Variants in SELENOF observed in about 807,000 individuals in gnomAD.
SELENOF encodes the protein selenoprotein F.
Under a neutral mutation model 20.5 loss-of-function variants are expected in SELENOF, and 16 were observed. That is an observed-to-expected ratio of 0.78 (90% CI 0.53 to 1.19). SELENOF has a LOEUF of 1.19. SELENOF is among the 50% of genes most tolerant of loss of function. SELENOF has a pLI of 0.00. For synonymous variants in SELENOF, 78 were observed against 74.5 expected, an observed-to-expected ratio of 1.05 and a Z score of -0.24; for missense variants, 215 against 194.2, an observed-to-expected ratio of 1.11 and a Z score of -0.64.
intron 1 of SELENOF, among the ~76,000 whole-genome samples, chr1:86,913,602 G>A (rs927352501): frequency 6.6e-6 from 1 of 152,202 alleles, no homozygotes; most frequent in African/African-American, 2.4e-5. Flanking sequence ...GCACGCGCGC[G>A]AGAGAGGTAA....
intron 3 of SELENOF, among the ~76,000 whole-genome samples, chr1:86,879,280 C>T (rs1219827783): frequency 2.0e-5 from 3 of 152,120 alleles, no homozygotes; most frequent in Non-Finnish European, 4.4e-5. Flanking sequence ...TGGTACAATT[C>T]TGAGTTTAAG....
At chr1:86,883,876 G>GTCTC (rs1490711031) in intron 2 of SELENOF, among the ~76,000 whole-genome samples, 2 of 152,128 alleles carry the variant, frequency 1.3e-5, no homozygotes, top group African/African-American at 4.8e-5. Flanking sequence ...TGGGAAGCTT[G>GTCTC]TCTCTGCACC....
At chr1:86,875,240 C>CG (rs1406241573) in intron 3 of SELENOF, among the ~76,000 whole-genome samples, 2 of 123,414 alleles carry the variant, frequency 1.6e-5, no homozygotes, top group Non-Finnish European at 3.2e-5. Context: ...GACTCCGTCT[C>CG]GAAAAAAAAA....
At chr1:86,876,787 G>T (rs479341) in intron 3 of SELENOF, among the ~76,000 whole-genome samples, 1 of 152,030 alleles carries the variant, frequency 6.6e-6, no homozygotes, top group East Asian at 1.9e-4. Flanking sequence ...AGAAATGTTA[G>T]AAGTAGCAGA....
At position 86,911,051 on chromosome 1, in the gene SELENOF, G is replaced by C. The variant is rs142534941; in HGVS notation, c.84+2977C>G. On this transcript the variant is annotated intron_variant, in intron 1 of 4. Coordinates refer to ENST00000331835, the MANE Select transcript of SELENOF (RefSeq NM_004261.5). ...GTCACTAGAGATAAAACAGTCAACA[G>C]GAAAGACAGGGTACTTCCCTTTGGG... Among the ~76,000 whole-genome samples the C allele has an allele frequency of 7.5e-3, 1,148 of 152,340 alleles. 15 individuals carry two copies. Among genetic ancestry groups the C allele is most frequent in the Middle Eastern group, 0.02 (6 of 294 alleles).
chr1:86,892,648 C>T lies in SELENOF; in HGVS notation c.252+10633G>A, dbSNP rs115314098. ...ACTGCAACTGGCTACACAATAGCCA[C>T]GCAAATTGAAAACAACTAAATGTTT... On this transcript the variant is annotated intron_variant, in intron 2 of 4. Transcript: ENST00000331835. 9.9e-3 allele frequency among the ~76,000 whole-genome samples: 1,507 copies of T among 152,188 alleles called. 14 individuals carry two copies. The highest frequency in any genetic ancestry group is 0.024 in the African/African-American group (1,016 of 41,502).
chr1:86,901,248 A>G (rs187770653), intron 2 of SELENOF, among the ~76,000 whole-genome samples: 2 of 152,312 alleles, frequency 1.3e-5, no homozygotes, highest in Non-Finnish European at 2.9e-5. Flanking sequence ...TGTGTTATCC[A>G]TGATCATGTA....
intron 3 of SELENOF, among the ~76,000 whole-genome samples, chr1:86,873,296 T>C (rs1658832552): frequency 6.6e-6 from 1 of 152,032 alleles, no homozygotes; most frequent in African/African-American, 2.4e-5. Context: ...TTATTTCCTT[T>C]CTGACCTTGG....
intron 2 of SELENOF, among the ~76,000 whole-genome samples, chr1:86,899,645 C>G (rs568660522): frequency 6.6e-6 from 1 of 151,052 alleles, no homozygotes; most frequent in African/African-American, 2.4e-5. Flanking sequence ...GGGGGCTGAC[C>G]CCCCCATCTC....
At chr1:86,866,230 CTGTGTGTGTG>C (rs60714256) in intron 4 of SELENOF, among the ~76,000 whole-genome samples, 46 of 113,678 alleles carry the variant, frequency 4.0e-4, no homozygotes, top group South Asian at 6.8e-4. Flanking sequence ...GTGTGTGTCT[CTGTGTGTGTG>C]TGTGTGTGTG....
intron 4 of SELENOF, 84 bp downstream of exon 4, chr1:86,867,969 A>C (rs1404268923): frequency 7.3e-6 from 4 of 547,148 alleles, no homozygotes; most frequent in Admixed American, 6.6e-5. Context: ...TTATGGGGGA[A>C]ACCATTTATT....
intron 2 of SELENOF, among the ~76,000 whole-genome samples, chr1:86,899,524 C>T (rs1329606941): frequency 6.8e-6 from 1 of 146,552 alleles, no homozygotes; most frequent in Non-Finnish European, 1.5e-5. Flanking sequence ...CCGGACGGGG[C>T]GGCTGGCCGG....
chr1:86,906,405 GTTCT>G (rs1036241813), intron 1 of SELENOF, among the ~76,000 whole-genome samples: 3 of 152,194 alleles, frequency 2.0e-5, no homozygotes, highest in African/African-American at 4.8e-5. Context: ...CATTTCACAT[GTTCT>G]TACAATGTTA....
intron 2 of SELENOF, among the ~76,000 whole-genome samples, chr1:86,897,580 T>A (rs1203899227): frequency 2.0e-5 from 3 of 152,178 alleles, no homozygotes; most frequent in African/African-American, 4.8e-5. Flanking sequence ...ACCTAGTACC[T>A]AGCTCTGCTC....
intron 2 of SELENOF, among the ~76,000 whole-genome samples, chr1:86,894,566 G>T (rs1170484884): frequency 6.6e-6 from 1 of 152,142 alleles, no homozygotes; most frequent in African/African-American, 2.4e-5. Context: ...ACAACTGGGT[G>T]TGTTGGTTTA....
chr1:86,914,352 C>G (rs1201421527), upstream of SELENOF: 5 of 558,116 alleles, frequency 9.0e-6, no homozygotes, highest in African/African-American at 7.5e-5. Context: ...GGTCTCCTTT[C>G]TTTTATTCAC....
At chr1:86,868,863 A>C (rs1658680372) in intron 3 of SELENOF, among the ~76,000 whole-genome samples, 2 of 152,170 alleles carry the variant, frequency 1.3e-5, no homozygotes, top group Non-Finnish European at 2.9e-5. Context: ...CACCATAAGC[A>C]AATTAAAAAT....
At chr1:86,911,259 A>C (rs765432126) in intron 1 of SELENOF, among the ~76,000 whole-genome samples, 2 of 152,250 alleles carry the variant, frequency 1.3e-5, no homozygotes, top group Non-Finnish European at 2.9e-5. Flanking sequence ...AGTAAGTAGA[A>C]GACAGCCATT....
At chr1:86,888,848 T>C (rs1659303136) in intron 2 of SELENOF, among the ~76,000 whole-genome samples, 1 of 151,982 alleles carries the variant, frequency 6.6e-6, no homozygotes, top group East Asian at 1.9e-4. Context: ...ATTTTTGCCA[T>C]GTTGGCCAGG....
Sources: gnomAD v4.1 joint callset for allele counts (sites outside exome capture counted in the v4.1 genomes callset) on GRCh38, gnomAD v4.1.1 for gene constraint, MANE v1.5 for transcripts, NCBI Gene and HGNC (gene_info 2026-07-23, HGNC 2026-07-21) for gene names.